The following LRRTM3 variants were observed in gnomAD, a reference collection of about 807,000 sequenced individuals.
The protein encoded by LRRTM3 is leucine rich repeat transmembrane neuronal 3.
LRRTM3 carries 24 observed loss-of-function variants against 44.7 expected under a neutral mutation model. The ratio of observed to expected loss-of-function variants is 0.54; its 90% CI spans 0.39 to 0.76. The LOEUF (loss-of-function observed/expected upper bound fraction) is 0.76. LRRTM3 is among the 30% of genes least tolerant of loss of function. The probability of loss-of-function intolerance (pLI) is 0.00; values close to 1 mark genes in which losing one functional copy is unlikely to be tolerated. For missense variants in LRRTM3, 587 were observed against 702.2 expected (o/e 0.84, Z 1.85); for synonymous variants, 277 against 278.7 (o/e 0.99, Z 0.06).
chr10:66,972,509 G>A (rs1463934647), intron 2 of LRRTM3, among the ~76,000 whole-genome samples: 1 of 151,656 alleles, frequency 6.6e-6, no homozygotes, highest in Non-Finnish European at 1.5e-5. Flanking sequence ...CTGCATAAAT[G>A]GTATTTTTGG....
chr10:67,064,250 T>C (rs150367211), intron 2 of LRRTM3, among the ~76,000 whole-genome samples: 37 of 152,304 alleles, frequency 2.4e-4, no homozygotes, highest in African/African-American at 8.9e-4. Context: ...CTCTGAAGTC[T>C]TGGGTTACTG....
In LRRTM3 at chr10:66,965,759, G is replaced by A. The variant is rs10997456; in HGVS notation, c.1536+37307G>A. 0.02 allele frequency among the ~76,000 whole-genome samples: 3,072 copies of A among 151,954 alleles called. 215 individuals carry two copies. The East Asian group carries it at 0.26, about 13-fold the overall frequency. ...TTATTTCTTTGCTCAGTCAAAGGCC[G>A]CATATGTTTCAAAGGATACTTGATA... is the stretch of plus-strand genomic sequence containing the variant. On this transcript the variant is annotated intron_variant, in intron 2 of 2. Coordinates refer to ENST00000361320, the MANE Select transcript of LRRTM3 (RefSeq NM_178011.5).
intron 2 of LRRTM3, among the ~76,000 whole-genome samples, chr10:66,987,892 G>A (rs562071682): frequency 6.6e-6 from 1 of 152,234 alleles, no homozygotes; most frequent in East Asian, 1.9e-4. Flanking sequence ...TCCTTTTTAT[G>A]CAGAGGGTTT....
chr10:67,089,512 T>G (rs1353165334), intron 2 of LRRTM3, among the ~76,000 whole-genome samples: 1 of 152,026 alleles, frequency 6.6e-6, no homozygotes, highest in African/African-American at 2.4e-5. Context: ...TAAATCAGTT[T>G]CAAAGTAAAG....
rs139446182 is a variant in LRRTM3 at position 67,074,766 on chromosome 10, T to A, written c.1537-22821T>A. On this transcript the variant is annotated intron_variant, in intron 2 of 2. Transcript: ENST00000361320. ...CTGTCTTATGCCAGCTAAAGACATG[T>A]ATATAAAACCACAAAATACATTCTT... is the stretch of plus-strand genomic sequence containing the variant. 3.0e-3 allele frequency among the ~76,000 whole-genome samples: 450 copies of A among 150,584 alleles called. 3 individuals are homozygous for A. The highest frequency in any genetic ancestry group is 0.011 in the African/African-American group (431 of 40,958).
intron 2 of LRRTM3, among the ~76,000 whole-genome samples, chr10:66,930,210 C>G (rs990801118): frequency 6.6e-6 from 1 of 152,082 alleles, no homozygotes; most frequent in Non-Finnish European, 1.5e-5. Context: ...TCTCAAGGTA[C>G]TTTGATATTG....
intron 2 of LRRTM3, among the ~76,000 whole-genome samples, chr10:66,959,662 C>CT (rs1161015649): frequency 6.6e-6 from 1 of 152,160 alleles, no homozygotes; most frequent in African/African-American, 2.4e-5. Flanking sequence ...CCAATGCCCC[C>CT]ATTCTACTCT....
chr10:66,927,915 A>G lies in LRRTM3; in HGVS notation c.999A>G (p.Leu333=). 1 of 1,614,244 alleles carries G rather than the reference A, an allele frequency of 6.2e-7. No homozygotes were observed. The highest frequency in any genetic ancestry group is 1.1e-5 in the South Asian group (1 of 91,086). Reference sequence around the variant, plus strand: ...ACTGGCTGAAAAGTTTTAAAGGTCTAAGGGAGAATACAATTATCTGTGCCA... The same window carrying G: ...ACTGGCTGAAAAGTTTTAAAGGTCTGAGGGAGAATACAATTATCTGTGCCA... ...LVNWLKSFKG[L]RENTIICASP... is the part of the protein sequence containing the mutation. Residue 333 remains leucine (L), a synonymous_variant, in exon 2 of 3, where the codon CTA becomes CTG. Coordinates refer to ENST00000361320, the MANE Select transcript of LRRTM3 (RefSeq NM_178011.5). The surrounding 1 kb of genome is among the most constrained non-coding windows in gnomAD (Gnocchi z 4.7).
At chr10:67,034,912 C>T (rs1158685409) in intron 2 of LRRTM3, among the ~76,000 whole-genome samples, 1 of 152,180 alleles carries the variant, frequency 6.6e-6, no homozygotes, top group Non-Finnish European at 1.5e-5. Context: ...TATCTCTTGG[C>T]AATGCTATTT....
intron 2 of LRRTM3, among the ~76,000 whole-genome samples, chr10:67,088,475 T>C (rs1857432271): frequency 6.6e-6 from 1 of 151,898 alleles, no homozygotes; most frequent in Non-Finnish European, 1.5e-5. Context: ...TTAAGATTTT[T>C]TATTGCAAAG....
chr10:67,089,367 A>G (rs1857493266), intron 2 of LRRTM3, among the ~76,000 whole-genome samples: 1 of 152,156 alleles, frequency 6.6e-6, no homozygotes, highest in Non-Finnish European at 1.5e-5. Flanking sequence ...GCTTCTTGAA[A>G]GTGCTTTCTT....
rs1181878572 is a variant in LRRTM3, at chr10:67,097,732, A to G, written c.1682A>G (p.Glu561Gly). ...EDTMETHLET[E>G]LDLSTITTAG... ...ACGATGGAAACACACCTAGAGACTG[A>G]GCTGGACCTGAGCACAATCACAACA... Residue 561 changes from glutamate to glycine, a missense_variant, in exon 3 of 3, where the codon GAG (glutamate) becomes GGG (glycine). Glu to Gly is a moderately conservative substitution (Grantham distance 98). Transcript: ENST00000361320. The G allele has an allele frequency of 1.2e-6, 2 of 1,612,558 alleles. No individual in the cohort carries two copies. Among genetic ancestry groups the G allele is most frequent in the African/African-American group, 2.7e-5 (2 of 74,796 alleles).
At chr10:66,995,817 G>A (rs1422061181) in intron 2 of LRRTM3, among the ~76,000 whole-genome samples, 1 of 152,010 alleles carries the variant, frequency 6.6e-6, no homozygotes, top group Non-Finnish European at 1.5e-5. Flanking sequence ...AAGCATTACT[G>A]CCTCTACAAA....
intron 2 of LRRTM3, among the ~76,000 whole-genome samples, chr10:67,049,367 T>C (rs897678338): frequency 2.6e-5 from 4 of 152,142 alleles, no homozygotes; most frequent in Non-Finnish European, 5.9e-5. Flanking sequence ...CATTATCCAA[T>C]AAGCAGTTAT....
intron 2 of LRRTM3, among the ~76,000 whole-genome samples, chr10:67,080,755 A>G (rs983057289): frequency 1.3e-5 from 2 of 151,924 alleles, no homozygotes; most frequent in African/African-American, 4.8e-5. Context: ...TAAAAATACA[A>G]AAAATTAGCC....
intron 2 of LRRTM3, among the ~76,000 whole-genome samples, chr10:67,002,655 T>C (rs930006789): frequency 6.6e-6 from 1 of 152,152 alleles, no homozygotes; most frequent in African/African-American, 2.4e-5. Context: ...CTGGGCCATG[T>C]ATTTCAGGAT....
At chr10:67,076,613 T>C (rs1232022978) in intron 2 of LRRTM3, among the ~76,000 whole-genome samples, 1 of 152,166 alleles carries the variant, frequency 6.6e-6, no homozygotes, top group Non-Finnish European at 1.5e-5. Context: ...AAATAACAGG[T>C]TTCACTGTCA....
intron 2 of LRRTM3, among the ~76,000 whole-genome samples, chr10:67,037,127 A>C (rs959895002): frequency 3.9e-5 from 6 of 152,250 alleles, no homozygotes; most frequent in Middle Eastern, 6.8e-3. Context: ...TATTATAAGG[A>C]CTTTACATTT....
chr10:67,096,535 C>T (rs1858005154), intron 2 of LRRTM3, among the ~76,000 whole-genome samples: 1 of 151,854 alleles, frequency 6.6e-6, no homozygotes, highest in Non-Finnish European at 1.5e-5. Flanking sequence ...AATTCAACAG[C>T]ATGAATTAGT....
Sources: gnomAD v4.1 joint callset for allele counts (sites outside exome capture counted in the v4.1 genomes callset) on GRCh38, gnomAD v4.1.1 for gene constraint, Gnocchi (gnomAD v3.1) non-coding constraint, MANE v1.5 for transcripts, NCBI Gene and HGNC (gene_info 2026-07-23, HGNC 2026-07-21) for gene names.